Variants in SFI1 observed in about 807,000 individuals in gnomAD.
SFI1 encodes the protein SFI1 centrin binding protein.
In SFI1, 195 loss-of-function variants were observed where a neutral mutation model predicts 207.5. The observed-to-expected ratio is 0.94, with a 90% confidence interval of 0.84 to 1.06. SFI1 has a LOEUF of 1.06. Among genes scored for constraint, SFI1 ranks in the 50% least tolerant of loss-of-function variants. The probability of loss-of-function intolerance (pLI) is 0.00; values close to 1 mark genes in which losing one functional copy is unlikely to be tolerated. For synonymous variants in SFI1, 630 were observed against 598.9 expected, an observed-to-expected ratio of 1.05 and a Z score of -0.76; for missense variants, 1,634 against 1,588.0, an observed-to-expected ratio of 1.03 and a Z score of -0.49.
chr22:31,559,767 G>A, intron 7 of SFI1: 1 of 766,504 alleles, frequency 1.3e-6, no homozygotes, highest in South Asian at 1.3e-5. Flanking sequence ...GGAAAATATA[G>A]CCAGGTCCTA....
chr22:31,516,190 C>G (rs2056467674), intron 2 of SFI1, among the ~76,000 whole-genome samples: 1 of 152,024 alleles, frequency 6.6e-6, no homozygotes, highest in African/African-American at 2.4e-5. Context: ...TCTCCCTCTG[C>G]TCTCTTCATC....
chr22:31,590,739 G>T (rs548193123), intron 15 of SFI1, among the ~76,000 whole-genome samples: 144 of 151,408 alleles, frequency 9.5e-4, no homozygotes, highest in Non-Finnish European at 1.9e-3. Flanking sequence ...CTGACCTCAG[G>T]TGATCCACCT....
chr22:31,582,397 G>A (rs547446091), intron 12 of SFI1, among the ~76,000 whole-genome samples: 2 of 149,514 alleles, frequency 1.3e-5, no homozygotes, highest in South Asian at 4.3e-4. Context: ...GACTACAGAC[G>A]CACACCATCA....
At chr22:31,519,685 G>C (rs746190580) in intron 2 of SFI1, among the ~76,000 whole-genome samples, 5 of 151,942 alleles carry the variant, frequency 3.3e-5, no homozygotes, top group Admixed American at 6.6e-5. Flanking sequence ...TGATCCACCC[G>C]CCTTGGCTTT....
At chr22:31,611,957 T>C in intron 24 of SFI1, 117 bp downstream of exon 24, 1 of 1,464,522 alleles carries the variant, frequency 6.8e-7, no homozygotes, top group Non-Finnish European at 9.1e-7. Context: ...ACTATCACCC[T>C]CCCCAGGGCC....
chr22:31,546,358 G>A (rs1416437646), intron 4 of SFI1, among the ~76,000 whole-genome samples: 6 of 151,814 alleles, frequency 4.0e-5, no homozygotes, highest in African/African-American at 1.5e-4. Flanking sequence ...TTGAGAGGGA[G>A]TCTTGCTCTG....
At chr22:31,502,797 T>G (rs564339361) in intron 1 of SFI1, among the ~76,000 whole-genome samples, 393 of 152,244 alleles carry the variant, frequency 2.6e-3, no homozygotes, top group Non-Finnish European at 4.7e-3. Context: ...GATTCTCAAT[T>G]GTCTGTTTAT....
At chr22:31,544,748 C>A (rs554183428) in intron 4 of SFI1, among the ~76,000 whole-genome samples, 122 of 151,998 alleles carry the variant, frequency 8.0e-4, no homozygotes, top group African/African-American at 2.7e-3. Flanking sequence ...GAGCGAGACC[C>A]TGTCTCCAAA....
At chr22:31,565,430 G>A (rs1189834240) in intron 8 of SFI1, among the ~76,000 whole-genome samples, 9 of 151,470 alleles carry the variant, frequency 5.9e-5, no homozygotes, top group African/African-American at 1.9e-4. Flanking sequence ...GGTCACGGTG[G>A]CCTACACCTG....
At position 31,618,165 on chromosome 22, in the gene SFI1, G is replaced by A. The variant is rs762096883; in HGVS notation, c.3563G>A (p.Arg1188Lys). 1 of 1,593,596 alleles carries A rather than the reference G, an allele frequency of 6.3e-7. No individual in the cohort carries two copies. Among genetic ancestry groups the A allele is most frequent in the Non-Finnish European group, 8.5e-7 (1 of 1,172,166 alleles). Residue 1188 changes from arginine (R) to lysine (K), a missense_variant, in exon 32 of 33, where the codon AGA becomes AAA. Physicochemically the swap from Arg to Lys is conservative, Grantham distance 26. Transcript: ENST00000400288. ...CTGCGCAGGTGGCTGGAGCTGAACAGAGAGGAGCCGGGGCCTGAGGACCAG... is the reference window on the plus strand; with the variant it reads ...CTGCGCAGGTGGCTGGAGCTGAACAAAGAGGAGCCGGGGCCTGAGGACCAG... ...SSLRRWLELNREEPGPEDQEV... is the reference protein window; with the variant it reads ...SSLRRWLELNKEEPGPEDQEV...
rs566463442 is a variant in SFI1 at position 31,614,928 on chromosome 22, C to T, written c.3068+68C>T. On this transcript the variant is annotated intron_variant, in intron 28 of 32. Coordinates refer to ENST00000400288, the MANE Select transcript of SFI1 (RefSeq NM_001007467.3). ...CAGGGGTCCCCAAAGGCAGCGGGCACCTCCATGTGGGGCCTGTGTTTTGGC... is the reference window on the plus strand; with the variant it reads ...CAGGGGTCCCCAAAGGCAGCGGGCATCTCCATGTGGGGCCTGTGTTTTGGC... 8.3e-5 allele frequency: 132 copies of T among 1,588,796 alleles called. 2 individuals carry two copies. In the South Asian group the frequency reaches 1.3e-3, roughly 16 times the overall value.
intron 7 of SFI1, among the ~76,000 whole-genome samples, chr22:31,559,225 C>T (rs900813848): frequency 6.6e-6 from 1 of 151,872 alleles, no homozygotes; most frequent in Non-Finnish European, 1.5e-5. Flanking sequence ...GAGTTTAAGA[C>T]CAGCCTGGCC....
chr22:31,572,997 C>A, intron 8 of SFI1, 61 bp from the exon 9 acceptor site: 9 of 1,562,018 alleles, frequency 5.8e-6, no homozygotes, highest in Non-Finnish European at 7.9e-6. Flanking sequence ...TCCCTCTCCA[C>A]CTGTACTTCA....
In SFI1 at chr22:31,616,868, T is replaced by G. The variant is rs1408913526; in HGVS notation, c.3424T>G (p.Ser1142Ala). 3 of 1,610,928 alleles carry G rather than the reference T, an allele frequency of 1.9e-6. No individual in the cohort carries two copies. In the African/African-American group the frequency reaches 4.0e-5, roughly 22 times the overall value. The change falls in exon 30 of 33, where the codon TCA becomes GCA. Residue 1142 changes from serine (S) to alanine (A), a missense_variant. Physicochemically the swap from Ser to Ala is moderately conservative, Grantham distance 99 (BLOSUM62 1). Coordinates refer to ENST00000400288, the MANE Select transcript of SFI1 (RefSeq NM_001007467.3). ...FSATRAGPGL[S>A]TAGSLDLEAE... is the part of the protein sequence containing the mutation. ...AGCCACCAGGGCTGGGCCTGGACTT[T>G]CAACTGCAGGTGTGTACCTGGGGCC... is the stretch of plus-strand genomic sequence containing the variant.
intron 7 of SFI1, among the ~76,000 whole-genome samples, chr22:31,560,389 T>G (rs1182929228): frequency 1.3e-5 from 2 of 151,160 alleles, no homozygotes; most frequent in East Asian, 3.9e-4. Context: ...TTTTCAAATG[T>G]TGGTAATACT....
chr22:31,617,061 C>G lies in SFI1; in HGVS notation c.3495C>G (p.Thr1165=), dbSNP rs570059832. The G allele has an allele frequency of 7.4e-6, 12 of 1,614,048 alleles. No individual in the cohort carries two copies. The African/African-American group carries it at 1.6e-4, about 22-fold the overall frequency. Residue 1165 remains threonine (T), a synonymous_variant, in exon 31 of 33, where the codon ACC becomes ACG. Coordinates refer to ENST00000400288, the MANE Select transcript of SFI1 (RefSeq NM_001007467.3). Reference sequence around the variant, plus strand: ...AGCAGCAACTACTGCACTACCAGACCACCAAGCAGAACCTCTGGTGAGCCC... The same window carrying G: ...AGCAGCAACTACTGCACTACCAGACGACCAAGCAGAACCTCTGGTGAGCCC... ...EIQQQLLHYQ[T]TKQNLWSCRR...
chr22:31,516,264 G>A (rs1055385662), intron 2 of SFI1, among the ~76,000 whole-genome samples: 3 of 152,020 alleles, frequency 2.0e-5, no homozygotes, highest in Non-Finnish European at 2.9e-5. Flanking sequence ...TGGAATTCTA[G>A]CACTTTGAGA....
chr22:31,512,324 C>T (rs1440437252), intron 2 of SFI1, among the ~76,000 whole-genome samples: 2 of 145,700 alleles, frequency 1.4e-5, no homozygotes, highest in Non-Finnish European at 3.0e-5. Context: ...CATTGCACTC[C>T]AGCCAGGGCA....
chr22:31,525,525 C>G (rs1463604399), intron 2 of SFI1, among the ~76,000 whole-genome samples: 1 of 152,076 alleles, frequency 6.6e-6, no homozygotes, highest in Non-Finnish European at 1.5e-5. Flanking sequence ...CCTGGGAGTT[C>G]AAGACCATCC....
Sources: gnomAD v4.1 joint callset for allele counts (sites outside exome capture counted in the v4.1 genomes callset) on GRCh38, gnomAD v4.1.1 for gene constraint, MANE v1.5 for transcripts, NCBI Gene and HGNC (gene_info 2026-07-23, HGNC 2026-07-21) for gene names.